The following FHIT variants were observed in gnomAD, a reference collection of about 807,000 sequenced individuals.
The protein encoded by FHIT is fragile histidine triad diadenosine triphosphatase, also known as bis(5'-adenosyl)-triphosphatase.
FHIT carries 19 observed loss-of-function variants against 17.9 expected under a neutral mutation model. The ratio of observed to expected loss-of-function variants is 1.06; its 90% confidence interval spans 0.74 to 1.56. The LOEUF is 1.56. Among genes scored for constraint, FHIT ranks in the 40% most tolerant of loss-of-function variants. The pLI, the probability that FHIT is intolerant of heterozygous loss-of-function variation, is 0.00. For synonymous variants in FHIT, 81 were observed against 69.7 expected, an observed-to-expected ratio of 1.16 and a Z score of -0.81; for missense variants, 248 against 189.2, an observed-to-expected ratio of 1.31 and a Z score of -1.82.
chr3:60,752,903 A>C (rs1158207662), intron 4 of FHIT, among the ~76,000 whole-genome samples: 1 of 152,188 alleles, frequency 6.6e-6, no homozygotes, highest in Non-Finnish European at 1.5e-5. Context: ...GAAATTTCAA[A>C]ATAGAGATCT....
intron 7 of FHIT, among the ~76,000 whole-genome samples, chr3:59,992,992 T>C (rs1252933917): frequency 1.3e-5 from 2 of 152,106 alleles, no homozygotes; most frequent in Admixed American, 6.6e-5. Context: ...AGGTCGTTAA[T>C]GAAATGATAA....
chr3:61,042,302 A>G (rs2033556193), intron 2 of FHIT, among the ~76,000 whole-genome samples: 1 of 152,248 alleles, frequency 6.6e-6, no homozygotes, highest in Non-Finnish European at 1.5e-5. Context: ...TAAATGGTTA[A>G]AAGCATATAA....
chr3:60,443,564 A>G (rs2031085378), intron 5 of FHIT, among the ~76,000 whole-genome samples: 1 of 152,072 alleles, frequency 6.6e-6, no homozygotes, highest in African/African-American at 2.4e-5. Flanking sequence ...TCTTCATATG[A>G]TGGATTACAT....
At chr3:60,094,029 C>T (rs1303066953) in intron 5 of FHIT, among the ~76,000 whole-genome samples, 1 of 151,994 alleles carries the variant, frequency 6.6e-6, no homozygotes, top group Non-Finnish European at 1.5e-5. Context: ...CTAGGCAGAG[C>T]TGACTATATG....
At chr3:60,330,897 T>C (rs559531760) in intron 5 of FHIT, among the ~76,000 whole-genome samples, 13 of 152,286 alleles carry the variant, frequency 8.5e-5, no homozygotes, top group African/African-American at 3.1e-4. Flanking sequence ...AGTGTGCATA[T>C]TTTAAAGCAG....
intron 4 of FHIT, among the ~76,000 whole-genome samples, chr3:60,638,428 G>A (rs1487337040): frequency 1.3e-5 from 2 of 152,104 alleles, no homozygotes; most frequent in Non-Finnish European, 2.9e-5. Context: ...TGTGAATCTA[G>A]GATCAATCCT....
chr3:59,958,710 A>G (rs1051484007), intron 7 of FHIT, among the ~76,000 whole-genome samples: 1 of 152,202 alleles, frequency 6.6e-6, no homozygotes, highest in Non-Finnish European at 1.5e-5. Context: ...GATGGCCGCT[A>G]TGTAATTTCT....
At chr3:59,815,899 A>T (rs907855150) in intron 8 of FHIT, among the ~76,000 whole-genome samples, 12 of 152,082 alleles carry the variant, frequency 7.9e-5, no homozygotes, top group Non-Finnish European at 1.5e-4. Flanking sequence ...TAAAAAAAAA[A>T]TTTAAATCAG....
chr3:59,784,360 A>G (rs1207622781), intron 8 of FHIT, among the ~76,000 whole-genome samples: 2 of 152,168 alleles, frequency 1.3e-5, no homozygotes, highest in Non-Finnish European at 2.9e-5. Flanking sequence ...TGAAATGCAA[A>G]TCAGATGGTG....
chr3:60,686,615 G>A (rs2040867860), intron 4 of FHIT, among the ~76,000 whole-genome samples: 1 of 151,982 alleles, frequency 6.6e-6, no homozygotes, highest in South Asian at 2.1e-4. Flanking sequence ...TTCACTGACT[G>A]CTTTGGTCTG....
At chr3:60,284,700 G>A (rs1257199467) in intron 5 of FHIT, among the ~76,000 whole-genome samples, 1 of 151,980 alleles carries the variant, frequency 6.6e-6, no homozygotes, top group East Asian at 1.9e-4. Context: ...GATAACGCAT[G>A]GACTTTTTAA....
rs191422716 is a variant in FHIT at position 60,647,503 on chromosome 3, C to G, written c.-17-110524G>C. On this transcript the variant is annotated intron_variant, in intron 4 of 9. Transcript: ENST00000492590. The stretch of plus-strand genomic sequence containing the variant: ...ACTCTGGTACTCGAGGCCCTCAAGT[C>G]CAGGGTTCTTTCCACTTGCCCAGGT... Among the ~76,000 whole-genome samples the G allele has an allele frequency of 2.0e-5, 3 of 152,266 alleles. No individual in the cohort carries two copies. The East Asian group carries it at 5.8e-4, about 29-fold the overall frequency.
intron 2 of FHIT, among the ~76,000 whole-genome samples, chr3:61,049,234 C>G (rs1391230795): frequency 6.7e-6 from 1 of 149,482 alleles, no homozygotes; most frequent in Non-Finnish European, 1.5e-5. Flanking sequence ...AGTTGGTAAC[C>G]AATGTTACCA....
intron 5 of FHIT, among the ~76,000 whole-genome samples, chr3:60,045,430 A>ACAAT (rs1701613198): frequency 6.6e-6 from 1 of 151,994 alleles, no homozygotes; most frequent in Admixed American, 6.6e-5. Context: ...CCCTTACAAA[A>ACAAT]CCATCAGATC....
intron 1 of FHIT, among the ~76,000 whole-genome samples, chr3:61,246,655 T>G (rs2040493389): frequency 6.7e-6 from 1 of 150,000 alleles, no homozygotes; most frequent in African/African-American, 2.5e-5. Flanking sequence ...TGAGAACGCA[T>G]GGACACAGGG....
chr3:60,734,034 G>T (rs1296886952), intron 4 of FHIT, among the ~76,000 whole-genome samples: 3 of 152,178 alleles, frequency 2.0e-5, no homozygotes, highest in African/African-American at 7.2e-5. Flanking sequence ...GAATCCGTCT[G>T]TTGGTCTGAA....
intron 4 of FHIT, among the ~76,000 whole-genome samples, chr3:60,620,966 AGT>A (rs1260663158): frequency 6.6e-6 from 1 of 152,104 alleles, no homozygotes; most frequent in Non-Finnish European, 1.5e-5. Context: ...AAAAAGAAAT[AGT>A]GTATTGATTT....
chr3:59,884,925 A>G (rs925190962), intron 8 of FHIT, among the ~76,000 whole-genome samples: 3 of 152,220 alleles, frequency 2.0e-5, no homozygotes, highest in Admixed American at 2.0e-4. Context: ...AATAGTTTAT[A>G]ACTGTAACAT....
intron 4 of FHIT, among the ~76,000 whole-genome samples, chr3:60,639,428 C>T (rs782420829): frequency 2.6e-5 from 4 of 152,042 alleles, no homozygotes; most frequent in Non-Finnish European, 5.9e-5. Flanking sequence ...AACGAAGGAG[C>T]CATTTTGTCA....
Sources: allele counts gnomAD v4.1 joint callset (sites outside exome capture counted in the v4.1 genomes callset), GRCh38; gene constraint gnomAD v4.1.1; transcripts MANE v1.5; gene names NCBI Gene and HGNC (gene_info 2026-07-23, HGNC 2026-07-21).